The following CCDC60 variants were observed in gnomAD, a reference collection of about 807,000 sequenced individuals.
The protein encoded by CCDC60 is coiled-coil domain containing 60.
Under a neutral mutation model 63.5 loss-of-function variants are expected in CCDC60, and 54 were observed. That is an observed-to-expected ratio of 0.85 (90% CI 0.68 to 1.07). CCDC60 has a LOEUF of 1.07. CCDC60 is among the 50% of genes least tolerant of loss of function. The pLI, the probability that CCDC60 is intolerant of heterozygous loss-of-function variation, is 0.00. For synonymous variants in CCDC60, 206 were observed against 238.8 expected (o/e 0.86, Z 1.27); for missense variants, 651 against 684.3 (o/e 0.95, Z 0.54).
intron 2 of CCDC60, among the ~76,000 whole-genome samples, chr12:119,468,302 A>C (rs577181664): frequency 2.0e-5 from 3 of 152,068 alleles, no homozygotes; most frequent in Non-Finnish European, 2.9e-5. Flanking sequence ...AAAAAATAAA[A>C]ATTTTTTAAA....
intron 7 of CCDC60, among the ~76,000 whole-genome samples, chr12:119,511,591 C>G (rs1048633149): frequency 6.6e-6 from 1 of 152,212 alleles, no homozygotes; most frequent in Non-Finnish European, 1.5e-5. Flanking sequence ...TCCCCCTCCC[C>G]AAAAAGAAGA....
intron 1 of CCDC60, among the ~76,000 whole-genome samples, chr12:119,341,871 G>A (rs1955536361): frequency 6.6e-6 from 1 of 152,192 alleles, no homozygotes; most frequent in Non-Finnish European, 1.5e-5. Context: ...TAGTTGTAGA[G>A]AAGGGGGTGC....
intron 1 of CCDC60, among the ~76,000 whole-genome samples, chr12:119,360,105 G>C (rs1283850076): frequency 6.6e-6 from 1 of 151,810 alleles, no homozygotes; most frequent in African/African-American, 2.4e-5. Context: ...TCCCAGTAGG[G>C]GCGGCCGGGC....
intron 1 of CCDC60, among the ~76,000 whole-genome samples, chr12:119,386,969 C>T (rs554134840): frequency 2.6e-4 from 40 of 151,074 alleles, no homozygotes; most frequent in Admixed American, 2.4e-3. Flanking sequence ...CAGAGTACTC[C>T]ATCCTCCTCC....
At chr12:119,400,531 A>G (rs1451684701) in intron 1 of CCDC60, among the ~76,000 whole-genome samples, 1 of 152,258 alleles carries the variant, frequency 6.6e-6, no homozygotes, top group African/African-American at 2.4e-5. Flanking sequence ...TTGTTTTCTT[A>G]GCAACCCTCT....
chr12:119,350,850 C>A (rs1479407297), intron 1 of CCDC60, among the ~76,000 whole-genome samples: 1 of 152,156 alleles, frequency 6.6e-6, no homozygotes, highest in East Asian at 1.9e-4. Context: ...TGGGCAGGAT[C>A]CCAGGTTGCT....
intron 2 of CCDC60, among the ~76,000 whole-genome samples, chr12:119,461,046 A>G (rs142045593): frequency 6.0e-4 from 92 of 152,090 alleles, no homozygotes; most frequent in Non-Finnish European, 1.1e-3. Flanking sequence ...TCTGGAATCA[A>G]CCCTACTGTC....
chr12:119,425,323 A>G (rs978293356), intron 1 of CCDC60, among the ~76,000 whole-genome samples: 18 of 152,204 alleles, frequency 1.2e-4, no homozygotes, highest in Admixed American at 4.6e-4. Context: ...TGATCTCAAC[A>G]TGGCCAATCT....
chr12:119,402,961 A>T (rs961784693), intron 1 of CCDC60, among the ~76,000 whole-genome samples: 1 of 152,238 alleles, frequency 6.6e-6, no homozygotes, highest in Admixed American at 6.5e-5. Flanking sequence ...ATTATCTAAG[A>T]TTAACAAAAA....
At chr12:119,443,331 T>C (rs1416080885) in intron 2 of CCDC60, among the ~76,000 whole-genome samples, 1 of 152,218 alleles carries the variant, frequency 6.6e-6, no homozygotes, top group African/African-American at 2.4e-5. Flanking sequence ...GTCTGGGTCT[T>C]CTCTGTCATA....
At chr12:119,399,927 G>C (rs569612993) in intron 1 of CCDC60, among the ~76,000 whole-genome samples, 1 of 152,190 alleles carries the variant, frequency 6.6e-6, no homozygotes, top group South Asian at 2.1e-4. Context: ...TTGCCAAGCA[G>C]CTTTTTAGAT....
chr12:119,384,829 C>A (rs1483347444), intron 1 of CCDC60, among the ~76,000 whole-genome samples: 1 of 152,240 alleles, frequency 6.6e-6, no homozygotes, highest in Non-Finnish European at 1.5e-5. Context: ...CCAGCTCATT[C>A]CAAGTCGTGG....
intron 1 of CCDC60, among the ~76,000 whole-genome samples, chr12:119,414,550 T>C (rs1956665972): frequency 6.6e-6 from 1 of 152,028 alleles, no homozygotes; most frequent in Non-Finnish European, 1.5e-5. Flanking sequence ...TGTTTTTATT[T>C]CATTTTGTTT....
intron 2 of CCDC60, among the ~76,000 whole-genome samples, chr12:119,435,965 T>G (rs1238688735): frequency 6.6e-6 from 1 of 152,190 alleles, no homozygotes; most frequent in African/African-American, 2.4e-5. Flanking sequence ...CAGAACAACA[T>G]GGTCTCTTGC....
intron 1 of CCDC60, among the ~76,000 whole-genome samples, chr12:119,389,550 C>G (rs142844026): frequency 5.8e-4 from 88 of 152,186 alleles, no homozygotes; most frequent in Admixed American, 3.9e-3. Flanking sequence ...CCTTCCTCTC[C>G]TTGTCCCACT....
chr12:119,394,566 C>A (rs945879207), intron 1 of CCDC60, among the ~76,000 whole-genome samples: 1 of 152,170 alleles, frequency 6.6e-6, no homozygotes, highest in African/African-American at 2.4e-5. Context: ...ATGAATACCC[C>A]CATGGATGCA....
intron 1 of CCDC60, among the ~76,000 whole-genome samples, chr12:119,376,457 G>A (rs939219210): frequency 3.3e-5 from 5 of 151,970 alleles, no homozygotes; most frequent in East Asian, 1.9e-4. Flanking sequence ...GTGAAACCCC[G>A]TCTCTACAAA....
intron 1 of CCDC60, among the ~76,000 whole-genome samples, chr12:119,399,254 A>T (rs1207407217): frequency 6.6e-6 from 1 of 152,196 alleles, no homozygotes; most frequent in African/African-American, 2.4e-5. Flanking sequence ...TCACCCTCTT[A>T]GTTCATGGGG....
intron 2 of CCDC60, among the ~76,000 whole-genome samples, chr12:119,470,368 C>A (rs989441177): frequency 6.6e-6 from 1 of 152,196 alleles, no homozygotes. Flanking sequence ...CAGCCCCAGT[C>A]CCCTGAACTG....
Sources: gnomAD v4.1 joint callset for allele counts (sites outside exome capture counted in the v4.1 genomes callset) on GRCh38, gnomAD v4.1.1 for gene constraint, MANE v1.5 for transcripts, NCBI Gene and HGNC (gene_info 2026-07-23, HGNC 2026-07-21) for gene names.